Variants in AFAP1 observed in about 807,000 individuals in gnomAD.
The protein encoded by AFAP1 is actin filament-associated protein 1.
In AFAP1, 75 loss-of-function variants were observed where a neutral mutation model predicts 93.9. That is an observed-to-expected ratio of 0.80 (90% CI 0.66 to 0.97). The LOEUF is 0.97. Ranked by LOEUF, AFAP1 falls within the 50% of genes least tolerant of loss-of-function variation. The probability of loss-of-function intolerance (pLI) is 0.00; values close to 1 mark genes in which losing one functional copy is unlikely to be tolerated. For missense variants in AFAP1, 1,201 were observed against 1,050.8 expected, an observed-to-expected ratio of 1.14 and a Z score of -1.98; for synonymous variants, 517 against 430.7, an observed-to-expected ratio of 1.20 and a Z score of -2.48.
chr4:7,877,507 A>G (rs1717585604), intron 1 of AFAP1, among the ~76,000 whole-genome samples: 2 of 152,164 alleles, frequency 1.3e-5, no homozygotes, highest in Admixed American at 6.5e-5. Context: ...TCTTCACAAC[A>G]TTGCTAGGAG....
At chr4:7,903,373 G>A (rs763535929) in intron 1 of AFAP1, among the ~76,000 whole-genome samples, 18 of 152,200 alleles carry the variant, frequency 1.2e-4, no homozygotes, top group Non-Finnish European at 2.5e-4. Context: ...CTGGGGTGAC[G>A]CTAGCGTTAC....
chr4:7,856,983 C>T (rs1042197283), intron 3 of AFAP1, among the ~76,000 whole-genome samples: 1 of 152,218 alleles, frequency 6.6e-6, no homozygotes, highest in African/African-American at 2.4e-5. Flanking sequence ...TGCTCAAAAT[C>T]AGACACTAGT....
At chr4:7,928,299 G>A (rs1720881441) in intron 1 of AFAP1, among the ~76,000 whole-genome samples, 2 of 152,314 alleles carry the variant, frequency 1.3e-5, no homozygotes, top group East Asian at 1.9e-4. Flanking sequence ...TTCCTCCGCT[G>A]AGCTAGTTCT....
intron 7 of AFAP1, among the ~76,000 whole-genome samples, chr4:7,816,346 A>G (rs918137930): frequency 5.3e-5 from 8 of 152,212 alleles, no homozygotes; most frequent in Non-Finnish European, 1.2e-4. Flanking sequence ...ACTAACCTAT[A>G]TATATACTGT....
rs1717240396 is a variant in AFAP1, at chr4:7,786,193, C to T, written c.1530+1G>A. 6.2e-7 allele frequency: 1 copy of T among 1,613,432 alleles called. No homozygotes were observed. The highest frequency in any genetic ancestry group is 8.5e-7 in the Non-Finnish European group (1 of 1,179,560). ...CATTACTCCAAAAAAAGGGCACTCA[C>T]CGAGCCGTTGATGCACGGGACATCG... On this transcript the variant is annotated splice_donor_variant, in intron 12 of 17. Coordinates refer to ENST00000420658, the MANE Select transcript of AFAP1 (RefSeq NM_001134647.2). LOFTEE classifies it high-confidence loss of function.
chr4:7,799,136 C>G (rs1718775509), intron 10 of AFAP1: 1 of 973,936 alleles, frequency 1.0e-6, no homozygotes. Context: ...AGAACAAAAG[C>G]TTTGGCCGTG....
rs567669615 is a variant in AFAP1 at position 7,763,492 on chromosome 4, C to T, written c.*273G>A. ...TCTGGTTAGAAAGATGTCACTTCGC[C>T]TGATAGCATCCTTTCAAACACCTTT... is the stretch of plus-strand genomic sequence containing the variant. On this transcript the variant is annotated 3_prime_UTR_variant, in exon 18 of 18. Transcript: ENST00000420658. The T allele has an allele frequency of 2.0e-6, 1 of 493,758 alleles. No individual in the cohort carries two copies. The highest frequency in any genetic ancestry group is 3.0e-5 in the South Asian group (1 of 33,628). The allele number at this position is 493,758 out of a possible 1,614,324, so 30.6% of individuals were successfully genotyped here. A position where few individuals can be genotyped will look rare whatever the true frequency, so the allele number is the denominator to read the frequency against.
At chr4:7,849,583 A>C (rs1234604018) in intron 4 of AFAP1, among the ~76,000 whole-genome samples, 1 of 152,204 alleles carries the variant, frequency 6.6e-6, no homozygotes, top group African/African-American at 2.4e-5. Flanking sequence ...ACAATGATGA[A>C]GTATGGCTAC....
intron 4 of AFAP1, among the ~76,000 whole-genome samples, chr4:7,854,348 C>T (rs1714798133): frequency 6.6e-6 from 1 of 152,228 alleles, no homozygotes; most frequent in African/African-American, 2.4e-5. Context: ...GCTCCAGAAG[C>T]TGAGGAGACA....
chr4:7,914,458 C>T (rs180811468), intron 1 of AFAP1, among the ~76,000 whole-genome samples: 260 of 152,282 alleles, frequency 1.7e-3, no homozygotes, highest in Middle Eastern at 0.017. Context: ...ACCCACGTTG[C>T]TGAGAATAAC....
intron 1 of AFAP1, among the ~76,000 whole-genome samples, chr4:7,911,116 A>C (rs1719698514): frequency 6.6e-6 from 1 of 152,136 alleles, no homozygotes; most frequent in South Asian, 2.1e-4. Flanking sequence ...GGTCATTTCT[A>C]TGAGCAGATG....
chr4:7,899,588 T>G (rs923212458), intron 1 of AFAP1, among the ~76,000 whole-genome samples: 2 of 152,226 alleles, frequency 1.3e-5, no homozygotes, highest in Non-Finnish European at 2.9e-5. Flanking sequence ...ATCAATGGCA[T>G]GTAAACCTAA....
rs377035230 is a variant in AFAP1, at chr4:7,809,680, G to A, written c.988C>T (p.Leu330=). Reference sequence around the variant, plus strand: ...TCTGTGGACGGCTTTTTCTTTCCCAGACTGATGATCTTGGTGATTTTTTTC... The same window carrying A: ...TCTGTGGACGGCTTTTTCTTTCCCAAACTGATGATCTTGGTGATTTTTTTC... ...TGKKITKIIS[L]GKKKPSTDEQ... Residue 330 remains leucine (L), a synonymous_variant, in exon 9 of 18, where the codon CTG becomes TTG. Transcript: ENST00000420658. 5.3e-5 allele frequency: 85 copies of A among 1,613,966 alleles called. No homozygotes were observed. Among genetic ancestry groups the A allele is most frequent in the Non-Finnish European group, 7.0e-5 (83 of 1,179,998 alleles).
intron 4 of AFAP1, among the ~76,000 whole-genome samples, chr4:7,848,848 G>C (rs77749247): frequency 0.02 from 3,101 of 152,272 alleles, 107 homozygotes; most frequent in African/African-American, 0.071. Context: ...GTGTCATTCT[G>C]ATGAAATTAA....
chr4:7,931,607 T>C (rs1721074085), intron 1 of AFAP1, among the ~76,000 whole-genome samples: 1 of 151,596 alleles, frequency 6.6e-6, no homozygotes, highest in South Asian at 2.1e-4. Context: ...GGTCTTGAAC[T>C]GCTGACCTCA....
chr4:7,832,348 C>A (rs1711730078), intron 6 of AFAP1, among the ~76,000 whole-genome samples: 1 of 151,824 alleles, frequency 6.6e-6, no homozygotes, highest in South Asian at 2.1e-4. Flanking sequence ...AAAAAAGCAT[C>A]TGTGTGTCCT....
rs553307539 is a variant in AFAP1 at position 7,842,206 on chromosome 4, A to G, written c.546+933T>C. Among the ~76,000 whole-genome samples the G allele has an allele frequency of 1.5e-3, 229 of 151,852 alleles. 1 individual carries two copies. The highest frequency in any genetic ancestry group is 5.4e-3 in the African/African-American group (223 of 41,458). On this transcript the variant is annotated intron_variant, in intron 5 of 17. Coordinates refer to ENST00000420658, the MANE Select transcript of AFAP1 (RefSeq NM_001134647.2). ...GGAAAAAATATGTACTCTGTTTTAA[A>G]AAACTGAACAAAAACATTAAAAAAT... is the stretch of plus-strand genomic sequence containing the variant.
intron 1 of AFAP1, among the ~76,000 whole-genome samples, chr4:7,880,873 G>A (rs73073925): frequency 7.5e-4 from 114 of 152,240 alleles, no homozygotes; most frequent in African/African-American, 2.5e-3. Flanking sequence ...TGAGAAACAC[G>A]GGGAAAGTTG....
intron 1 of AFAP1, among the ~76,000 whole-genome samples, chr4:7,910,916 C>A (rs904729882): frequency 2.6e-5 from 4 of 152,230 alleles, no homozygotes; most frequent in Admixed American, 2.0e-4. Context: ...CCATGCCACT[C>A]TCCTCAGTAA....
Sources: allele counts gnomAD v4.1 joint callset (sites outside exome capture counted in the v4.1 genomes callset), GRCh38; gene constraint gnomAD v4.1.1; transcripts MANE v1.5; gene names NCBI Gene and HGNC (gene_info 2026-07-23, HGNC 2026-07-21).